The following F2 variants were observed in gnomAD, a reference collection of about 807,000 sequenced individuals.
F2 encodes the protein coagulation factor II, thrombin, also known as prothrombin.
In F2, 34 loss-of-function variants were observed where a neutral mutation model predicts 81.9. The ratio of observed to expected loss-of-function variants is 0.42; its 90% CI spans 0.32 to 0.55. The LOEUF (loss-of-function observed/expected upper bound fraction) is 0.55, where lower values mean the gene tolerates loss of function less well. Among genes scored for constraint, F2 ranks in the 20% least tolerant of loss-of-function variants. The probability of loss-of-function intolerance (pLI) is 0.18; values close to 1 mark genes in which losing one functional copy is unlikely to be tolerated. For synonymous variants in F2, 296 were observed against 326.4 expected (o/e 0.91, Z 1.01); for missense variants, 630 against 833.4 (o/e 0.76, Z 3.00).
chr11:46,724,708 G>C (rs3136457), intron 6 of F2, among the ~76,000 whole-genome samples: 21,474 of 152,048 alleles, frequency 0.14, 2,476 homozygotes, highest in East Asian at 0.59. Flanking sequence ...CACAAACATG[G>C]GTTAGTGTTT....
At chr11:46,734,532 C>T (rs2064932716) in intron 12 of F2, among the ~76,000 whole-genome samples, 1 of 152,220 alleles carries the variant, frequency 6.6e-6, no homozygotes, top group South Asian at 2.1e-4. Flanking sequence ...CTTTTCCTGG[C>T]CAGGTGTGGT....
Position 46,723,089 on chromosome 11 carries a change from A to G in F2, c.317-91A>G, listed in dbSNP as rs752731634. 3 of 1,057,884 alleles carry G rather than the reference A, an allele frequency of 2.8e-6. No homozygotes were observed. In the East Asian group the frequency reaches 7.1e-5, roughly 25 times the overall value. 65.5% of individuals were successfully genotyped at this position (1,057,884 alleles called of 1,614,324 possible). The stretch of plus-strand genomic sequence containing the variant: ...TGCAGGTTCAGGATTGTGGACCTGC[A>G]TGAGCTGGGAGGTGGGGGATAGACA... On this transcript the variant is annotated intron_variant, in intron 4 of 13. Transcript: ENST00000311907. This position sits in a 1 kb window ranked among gnomAD's most constrained non-coding sequence, Gnocchi z 5.6.
chr11:46,727,955 C>A (rs1296713850), intron 9 of F2, 41 bp from the exon 10 acceptor site: 2 of 1,580,208 alleles, frequency 1.3e-6, no homozygotes, highest in Middle Eastern at 1.7e-4. Flanking sequence ...GAGGCAGCCC[C>A]CTCATCCTCA....
rs760305909 is a variant in F2 at position 46,726,811 on chromosome 11, G to A, written c.1104G>A (p.Ser368=). Residue 368 remains serine, a synonymous_variant, in exon 9 of 14, where the codon TCG becomes TCA. Coordinates refer to ENST00000311907, the MANE Select transcript of F2 (RefSeq NM_000506.5). The surrounding 1 kb of genome is among the most constrained non-coding windows in gnomAD (Gnocchi z 5.9). ...SYIDGRIVEG[S]DAEIGMSPWQ... ...TCGACGGGCGCATTGTGGAGGGCTC[G>A]GATGCAGAGATCGGCATGTCACCTT... is the stretch of plus-strand genomic sequence containing the variant. 1.9e-5 allele frequency: 31 copies of A among 1,614,170 alleles called. No homozygotes were observed. In the East Asian group the frequency reaches 2.5e-4, roughly 13 times the overall value.
Position 46,729,561 on chromosome 11 carries a change from G to T in F2, c.1654G>T (p.Gly552Cys). Residue 552 changes from glycine (G) to cysteine (C), a missense_variant and splice_region_variant, in exon 12 of 14, where the codon GGT becomes TGT. By Grantham distance (159) the Gly-to-Cys change is radical. Transcript: ENST00000311907. ...IRITDNMFCA[G>C]YKPDEGKRGD... is the part of the protein sequence containing the mutation. ...CATCACTGACAACATGTTCTGTGCT[G>T]GCAAGTCTGTGCAGGGCGGGCTGAG... 1 of 1,612,186 alleles carries T rather than the reference G, an allele frequency of 6.2e-7. No homozygotes were observed. Among genetic ancestry groups the T allele is most frequent in the Non-Finnish European group, 8.5e-7 (1 of 1,178,524 alleles).
At chr11:46,735,164 A>G (rs1457310584) in intron 12 of F2, among the ~76,000 whole-genome samples, 2 of 152,210 alleles carry the variant, frequency 1.3e-5, no homozygotes, top group Non-Finnish European at 2.9e-5. Flanking sequence ...AATATTGGTC[A>G]GGTGTGGTGG....
Position 46,728,029 on chromosome 11 carries a change from G to A in F2, c.1164G>A (p.Glu388=), listed in dbSNP as rs545187528. The change falls in exon 10 of 14, where the codon GAG becomes GAA. Residue 388 remains glutamate, a synonymous_variant. Transcript: ENST00000311907. This position sits in a 1 kb window ranked among gnomAD's most constrained non-coding sequence, Gnocchi z 5.1. ...TGCTTTTCCGGAAGAGTCCCCAGGAGCTGCTGTGTGGGGCCAGCCTCATCA... is the reference window on the plus strand; with the variant it reads ...TGCTTTTCCGGAAGAGTCCCCAGGAACTGCTGTGTGGGGCCAGCCTCATCA... ...QVMLFRKSPQ[E]LLCGASLISD... The A allele has an allele frequency of 1.4e-5, 22 of 1,610,974 alleles. No homozygotes were observed. The highest frequency in any genetic ancestry group is 3.3e-4 in the Middle Eastern group (2 of 6,056).
chr11:46,733,119 C>A (rs944513881), intron 12 of F2, among the ~76,000 whole-genome samples: 40 of 152,272 alleles, frequency 2.6e-4, no homozygotes, highest in Non-Finnish European at 4.4e-5. Context: ...TTAATTTTAG[C>A]TTTTCCTTTT....
Position 46,719,909 on chromosome 11 carries a change from A to G in F2, c.240+47A>G. 1 of 1,542,712 alleles carries G rather than the reference A, an allele frequency of 6.5e-7. No homozygotes were observed. Among genetic ancestry groups the G allele is most frequent in the Admixed American group, 2.0e-5 (1 of 51,032 alleles). ...GGTGCCGGGGCCTCAGACCGGGCCC[A>G]ACTCTAGACACTTCCACAGAGAAGC... is the stretch of plus-strand genomic sequence containing the variant. On this transcript the variant is annotated intron_variant, in intron 2 of 13. Coordinates refer to ENST00000311907, the MANE Select transcript of F2 (RefSeq NM_000506.5). The surrounding 1 kb of genome is among the most constrained non-coding windows in gnomAD (Gnocchi z 4.7).
chr11:46,721,038 C>T (rs2064833141), intron 4 of F2, among the ~76,000 whole-genome samples, 198 bp downstream of exon 4: 1 of 152,080 alleles, frequency 6.6e-6, no homozygotes, highest in Non-Finnish European at 1.5e-5. Context: ...AATGAATGGA[C>T]TAATGAATTA....
At chr11:46,724,300 A>C (rs1328651956) in intron 6 of F2, among the ~76,000 whole-genome samples, 1 of 152,100 alleles carries the variant, frequency 6.6e-6, no homozygotes, top group African/African-American at 2.4e-5. Context: ...GTGTGGCTGC[A>C]CTCGCTAATG....
Position 46,739,454 on chromosome 11 carries a change from A to G in F2, c.*46A>G. ...CTCCTGGAACCAATCCCGTGAAAGA[A>G]TTATTTTTGTGTTTCTAAAACTATG... On this transcript the variant is annotated 3_prime_UTR_variant, in exon 14 of 14. Coordinates refer to ENST00000311907, the MANE Select transcript of F2 (RefSeq NM_000506.5). The G allele has an allele frequency of 6.2e-7, 1 of 1,612,060 alleles. No individual in the cohort carries two copies. Among genetic ancestry groups the G allele is most frequent in the Non-Finnish European group, 8.5e-7 (1 of 1,179,284 alleles).
intron 12 of F2, among the ~76,000 whole-genome samples, chr11:46,738,215 G>A (rs538115981): frequency 6.6e-6 from 1 of 152,134 alleles, no homozygotes; most frequent in African/African-American, 2.4e-5. Context: ...TGGCCAGGCT[G>A]GTCTTAAACT....
chr11:46,737,588 A>T (rs928925135), intron 12 of F2, among the ~76,000 whole-genome samples: 4 of 149,576 alleles, frequency 2.7e-5, no homozygotes, highest in Non-Finnish European at 5.9e-5. Flanking sequence ...CTACAGGTGT[A>T]CACTGCCACG....
At position 46,726,487 on chromosome 11, in the gene F2, G is replaced by T; in HGVS notation, c.875-11G>T. ...CCAGCCCAGTCCCAGCCGGTGCCTG[G>T]GTCCCAACAGAGGAGGCCGTGGAGG... On this transcript the variant is annotated splice_polypyrimidine_tract_variant and intron_variant, in intron 7 of 13. Coordinates refer to ENST00000311907, the MANE Select transcript of F2 (RefSeq NM_000506.5). The surrounding 1 kb of genome is among the most constrained non-coding windows in gnomAD (Gnocchi z 5.9). 6.2e-7 allele frequency: 1 copy of T among 1,612,552 alleles called. No individual in the cohort carries two copies. Among genetic ancestry groups the T allele is most frequent in the Non-Finnish European group, 8.5e-7 (1 of 1,179,038 alleles).
At chr11:46,731,794 CAT>C (rs2064913347) in intron 12 of F2, among the ~76,000 whole-genome samples, 1 of 151,920 alleles carries the variant, frequency 6.6e-6, no homozygotes, top group African/African-American at 2.4e-5. Context: ...CAATTTGTCT[CAT>C]ATGTGGTGAG....
At position 46,728,128 on chromosome 11, in the gene F2, C is replaced by T. The variant is rs2064888017; in HGVS notation, c.1263C>T (p.Asp421=). The T allele has an allele frequency of 1.2e-6, 2 of 1,610,756 alleles. No homozygotes were observed. Among genetic ancestry groups the T allele is most frequent in the Non-Finnish European group, 8.5e-7 (1 of 1,179,030 alleles). The change falls in exon 10 of 14, where the codon GAC becomes GAT. Residue 421 remains aspartate, a synonymous_variant. Coordinates refer to ENST00000311907, the MANE Select transcript of F2 (RefSeq NM_000506.5). This position sits in a 1 kb window ranked among gnomAD's most constrained non-coding sequence, Gnocchi z 5.1. ...PPWDKNFTEN[D]LLVRIGKHSR... ...GGGACAAGAACTTCACCGAGAATGA[C>T]CTTCTGGTGCGCATTGGCAAGCACT...
At chr11:46,738,857 G>A (rs1246905639) in intron 12 of F2, among the ~76,000 whole-genome samples, 191 bp from the exon 13 acceptor site, 1 of 152,200 alleles carries the variant, frequency 6.6e-6, no homozygotes, top group Non-Finnish European at 1.5e-5. Context: ...TGGTGAGAAG[G>A]GTTTGGATTT....
chr11:46,719,693 G>T lies in F2; in HGVS notation c.80-9G>T. 1 of 1,584,200 alleles carries T rather than the reference G, an allele frequency of 6.3e-7. No homozygotes were observed. Among genetic ancestry groups the T allele is most frequent in the East Asian group, 2.3e-5 (1 of 43,540 alleles). ...GCCGCTGTCCCATGACCCCCCCACC[G>T]CCTTACAGTGTTCCTGGCTCCTCAG... On this transcript the variant is annotated splice_polypyrimidine_tract_variant and intron_variant, in intron 1 of 13. Coordinates refer to ENST00000311907, the MANE Select transcript of F2 (RefSeq NM_000506.5). The surrounding 1 kb of genome is among the most constrained non-coding windows in gnomAD (Gnocchi z 4.7).
Sources: allele counts gnomAD v4.1 joint callset (sites outside exome capture counted in the v4.1 genomes callset), GRCh38; gene constraint gnomAD v4.1.1; non-coding constraint Gnocchi (gnomAD v3.1); transcripts MANE v1.5; gene names NCBI Gene and HGNC (gene_info 2026-07-23, HGNC 2026-07-21).